Variants in XYLT1 observed in about 807,000 individuals in gnomAD.
The protein encoded by XYLT1 is beta-D-xylosyltransferase 1.
Under a neutral mutation model 91.3 loss-of-function variants are expected in XYLT1, and 36 were observed. That is an observed-to-expected ratio of 0.39 (90% confidence interval 0.30 to 0.52). XYLT1 has a LOEUF of 0.52. Among genes scored for constraint, XYLT1 ranks in the 20% least tolerant of loss-of-function variants. The pLI, the probability that XYLT1 is intolerant of heterozygous loss-of-function variation, is 0.68. For synonymous variants in XYLT1, 588 were observed against 532.0 expected, an observed-to-expected ratio of 1.11 and a Z score of -1.45; for missense variants, 1,242 against 1,284.5, an observed-to-expected ratio of 0.97 and a Z score of 0.51.
At chr16:17,323,446 C>G (rs1255748415) in intron 2 of XYLT1, among the ~76,000 whole-genome samples, 1 of 152,210 alleles carries the variant, frequency 6.6e-6, no homozygotes, top group East Asian at 1.9e-4. Flanking sequence ...ACTCCAGCAG[C>G]TGGATCACGC....
intron 2 of XYLT1, among the ~76,000 whole-genome samples, chr16:17,334,497 C>A (rs1394420837): frequency 6.6e-6 from 1 of 151,334 alleles, no homozygotes; most frequent in Non-Finnish European, 1.5e-5. Flanking sequence ...ATACCTTCCA[C>A]CTAAATGATG....
intron 2 of XYLT1, among the ~76,000 whole-genome samples, chr16:17,346,245 C>G (rs2035142523): frequency 6.6e-6 from 1 of 152,214 alleles, no homozygotes; most frequent in Admixed American, 6.5e-5. Flanking sequence ...CCGTTCTCAC[C>G]TCCCCAAGGG....
At chr16:17,443,753 A>G (rs2036560001) in intron 1 of XYLT1, among the ~76,000 whole-genome samples, 2 of 152,188 alleles carry the variant, frequency 1.3e-5, no homozygotes, top group Admixed American at 1.3e-4. Flanking sequence ...CAGGAGTGGG[A>G]CATTATATAA....
At chr16:17,123,960 C>T (rs927856750) in intron 10 of XYLT1, among the ~76,000 whole-genome samples, 4 of 152,146 alleles carry the variant, frequency 2.6e-5, no homozygotes, top group Admixed American at 1.3e-4. Context: ...TACTCCTGCT[C>T]ACTTTTGGTG....
At chr16:17,438,540 G>A (rs2036490859) in intron 1 of XYLT1, among the ~76,000 whole-genome samples, 1 of 152,140 alleles carries the variant, frequency 6.6e-6, no homozygotes, top group African/African-American at 2.4e-5. Flanking sequence ...GCCTGAATCA[G>A]ACTACCAGCG....
At position 17,208,387 on chromosome 16, in the gene XYLT1, C is replaced by T. The variant is rs373351241; in HGVS notation, c.914-7733G>A. Among the ~76,000 whole-genome samples the T allele has an allele frequency of 2.6e-5, 4 of 151,828 alleles. No individual in the cohort carries two copies. The South Asian group carries it at 8.3e-4, about 32-fold the overall frequency. ...TCCAAGATAATACATGCTGAGTATCCCTTATGTGAAATGCCTGGAACCAGA... is the reference window on the plus strand; with the variant it reads ...TCCAAGATAATACATGCTGAGTATCTCTTATGTGAAATGCCTGGAACCAGA... On this transcript the variant is annotated intron_variant, in intron 3 of 11. Transcript: ENST00000261381.
chr16:17,195,267 G>A (rs1389306523), intron 5 of XYLT1, among the ~76,000 whole-genome samples: 3 of 152,078 alleles, frequency 2.0e-5, no homozygotes, highest in Non-Finnish European at 4.4e-5. Flanking sequence ...CATCAGCAGT[G>A]CCACTGCTAG....
At chr16:17,455,092 G>T (rs1187573263) in intron 1 of XYLT1, among the ~76,000 whole-genome samples, 1 of 152,028 alleles carries the variant, frequency 6.6e-6, no homozygotes, top group African/African-American at 2.4e-5. Flanking sequence ...CAGACTGTAT[G>T]ATTCCATTTC....
chr16:17,465,556 TGG>T lies in XYLT1; in HGVS notation c.363+4876_363+4877del, dbSNP rs68156050. 7.7e-3 allele frequency among the ~76,000 whole-genome samples: 779 copies of T among 101,162 alleles called. 10 individuals are homozygous for T. Among genetic ancestry groups the T allele is most frequent in the African/African-American group, 0.023 (698 of 30,734 alleles). The allele number at this position is 101,162 out of a possible 152,430, so 66.4% of individuals were successfully genotyped here. ...CCTGGAAATTTTTTGTGTTTTTTTT[TGG>T]GGGGGGGGGGGGTGAGCATTTAATA... is the stretch of plus-strand genomic sequence containing the variant. On this transcript the variant is annotated intron_variant, in intron 1 of 11. Transcript: ENST00000261381.
chr16:17,129,748 A>G (rs2030401959), intron 9 of XYLT1, among the ~76,000 whole-genome samples: 1 of 152,188 alleles, frequency 6.6e-6, no homozygotes, highest in Non-Finnish European at 1.5e-5. Context: ...AATTGTATTT[A>G]GTTTTAGTTA....
intron 10 of XYLT1, among the ~76,000 whole-genome samples, chr16:17,120,953 A>T (rs1008955): frequency 0.66 from 99,731 of 152,046 alleles, 33,500 homozygotes; most frequent in Non-Finnish European, 0.72. Flanking sequence ...CTCTATTGTA[A>T]CCATTAATCA....
At position 17,290,270 on chromosome 16, in the gene XYLT1, T is replaced by C. The variant is rs145170319; in HGVS notation, c.403-30772A>G. ...AACTTTCCATAATTTTTAACAACTT[T>C]CTAAGTAAAACTAGAGATGTCTATC... On this transcript the variant is annotated intron_variant, in intron 2 of 11. Transcript: ENST00000261381. Among the ~76,000 whole-genome samples, 733 of 152,392 alleles carry C rather than the reference T, an allele frequency of 4.8e-3. 3 individuals carry two copies. The highest frequency in any genetic ancestry group is 8.1e-3 in the Non-Finnish European group (554 of 68,040).
intron 2 of XYLT1, among the ~76,000 whole-genome samples, chr16:17,347,392 T>C (rs994780819): frequency 6.6e-6 from 1 of 152,020 alleles, no homozygotes; most frequent in African/African-American, 2.4e-5. Context: ...CAGAGGAGTA[T>C]GAATGAATGA....
chr16:17,442,257 C>T (rs138847620), intron 1 of XYLT1, among the ~76,000 whole-genome samples: 21 of 152,254 alleles, frequency 1.4e-4, no homozygotes, highest in Admixed American at 5.9e-4. Flanking sequence ...AAACTGTATG[C>T]GTGTGTCTCA....
At chr16:17,305,383 A>G (rs2141816713) in intron 2 of XYLT1, among the ~76,000 whole-genome samples, 1 of 150,470 alleles carries the variant, frequency 6.6e-6, no homozygotes, top group South Asian at 2.1e-4. Flanking sequence ...TTTTCTTAAT[A>G]TTTACATATA....
At chr16:17,469,840 G>C (rs2141969020) in intron 1 of XYLT1, among the ~76,000 whole-genome samples, 1 of 152,274 alleles carries the variant, frequency 6.6e-6, no homozygotes, top group South Asian at 2.1e-4. Context: ...GGTGAAGACG[G>C]AAGGCTCAAA....
Position 17,105,899 on chromosome 16 carries a change from CTTTG to C in XYLT1, c.*2792_*2795del, listed in dbSNP as rs1473041058. ...TCCTCTTTTCTCAAATCATGCTGGG[CTTTG>C]TTTGGGATTTTCCTTAAAAAAAAAA... On this transcript the variant is annotated 3_prime_UTR_variant, in exon 12 of 12. Coordinates refer to ENST00000261381, the MANE Select transcript of XYLT1 (RefSeq NM_022166.4). 1.3e-5 allele frequency: 2 copies of C among 151,328 alleles called. No homozygotes were observed. Among genetic ancestry groups the C allele is most frequent in the South Asian group, 2.1e-4 (1 of 4,804 alleles). 9.4% of individuals were successfully genotyped at this position (151,328 alleles called of 1,614,324 possible).
chr16:17,458,012 G>C (rs55794056), intron 1 of XYLT1, among the ~76,000 whole-genome samples: 37 of 152,294 alleles, frequency 2.4e-4, no homozygotes, highest in Admixed American at 3.3e-4. Context: ...GATCCATCTA[G>C]TCTGGTTTTA....
In XYLT1 at chr16:17,133,042, TGCCCAA is replaced by T. The variant is rs768433979; in HGVS notation, c.2027+1425_2027+1430del. ...CCGAAGCTCAGAGAGATGAATGACT[TGCCCAA>T]GGTCAATAGCTTGTAAGCAGAGTTT... On this transcript the variant is annotated intron_variant, in intron 9 of 11. Transcript: ENST00000261381. Among the ~76,000 whole-genome samples the T allele has an allele frequency of 5.6e-4, 85 of 152,352 alleles. 1 individual carries two copies. Among genetic ancestry groups the T allele is most frequent in the Middle Eastern group, 3.4e-3 (1 of 294 alleles).
Sources: gnomAD v4.1 joint callset for allele counts (sites outside exome capture counted in the v4.1 genomes callset) on GRCh38, gnomAD v4.1.1 for gene constraint, MANE v1.5 for transcripts, NCBI Gene and HGNC (gene_info 2026-07-23, HGNC 2026-07-21) for gene names.